MBNL2: variants seen among roughly 807,000 people sequenced by gnomAD.
MBNL2 encodes muscleblind like splicing regulator 2, also known as muscleblind-like protein 2.
Under a neutral mutation model 41.9 loss-of-function variants are expected in MBNL2, and 17 were observed. That is an observed-to-expected ratio of 0.41 (90% CI 0.28 to 0.61). The LOEUF (loss-of-function observed/expected upper bound fraction) is 0.61. MBNL2 is among the 20% of genes least tolerant of loss of function. The pLI is 0.35. For missense variants in MBNL2, 336 were observed against 505.6 expected, an observed-to-expected ratio of 0.66 and a Z score of 3.22; for synonymous variants, 195 against 182.9, an observed-to-expected ratio of 1.07 and a Z score of -0.53.
chr13:97,175,879 C>T, the MBNL2 span, among the ~76,000 whole-genome samples: 3 of 152,128 alleles, frequency 2.0e-5, no homozygotes, highest in Admixed American at 6.6e-5. Context: ...CCAAAGCAGG[C>T]TTGTTGTGCT....
At chr13:97,162,291 A>C in the MBNL2 span, among the ~76,000 whole-genome samples, 1 of 151,970 alleles carries the variant, frequency 6.6e-6, no homozygotes, top group African/African-American at 2.4e-5. Context: ...ATCAACATCC[A>C]ACTAAGATCT....
chr13:97,157,660 T>C, the MBNL2 span, among the ~76,000 whole-genome samples: 1 of 150,342 alleles, frequency 6.7e-6, no homozygotes, highest in East Asian at 1.9e-4. Context: ...AATCATGTGG[T>C]TTTTGTCTTT....
At chr13:97,245,305 A>C (rs1377564400) in intron 1 of MBNL2, among the ~76,000 whole-genome samples, 4 of 152,178 alleles carry the variant, frequency 2.6e-5, no homozygotes, top group African/African-American at 9.7e-5. Context: ...CTAAGCTCCC[A>C]GGGAAAAAGT....
chr13:97,318,279 A>G (rs780632563), intron 2 of MBNL2, among the ~76,000 whole-genome samples: 1 of 152,238 alleles, frequency 6.6e-6, no homozygotes, highest in Non-Finnish European at 1.5e-5. Context: ...AACCATATGA[A>G]TGTGTGGAAG....
In MBNL2 at chr13:97,286,780, A is replaced by C. The variant is rs61055901; in HGVS notation, c.174+10371A>C. Among the ~76,000 whole-genome samples the C allele has an allele frequency of 7.2e-3, 1,096 of 152,192 alleles. 13 individuals carry two copies. Among genetic ancestry groups the C allele is most frequent in the African/African-American group, 0.025 (1,026 of 41,514 alleles). On this transcript the variant is annotated intron_variant, in intron 2 of 8. Coordinates refer to ENST00000679496, the MANE Select transcript of MBNL2 (RefSeq NM_001382683.1). ...CTTCTTCCAGGGAACTGCAAGCCTC[A>C]GTTCTTCATGTTAGTCTGGTCTTTG...
intron 3 of MBNL2, among the ~76,000 whole-genome samples, chr13:97,342,354 C>G (rs1027938488): frequency 6.6e-6 from 1 of 152,108 alleles, no homozygotes; most frequent in Non-Finnish European, 1.5e-5. Context: ...TTTTAATGGC[C>G]AATCACAATA....
At chr13:97,259,190 G>GTATC (rs2048126590) in intron 1 of MBNL2, among the ~76,000 whole-genome samples, 1 of 152,124 alleles carries the variant, frequency 6.6e-6, no homozygotes, top group African/African-American at 2.4e-5. Flanking sequence ...CAGGACCGCA[G>GTATC]TATCTCCCAC....
chr13:97,172,073 A>G, the MBNL2 span, among the ~76,000 whole-genome samples: 1 of 152,182 alleles, frequency 6.6e-6, no homozygotes, highest in African/African-American at 2.4e-5. Context: ...AAAACGGACT[A>G]ATACAGGTCT....
At chr13:97,293,735 A>G (rs1412430060) in intron 2 of MBNL2, among the ~76,000 whole-genome samples, 1 of 151,984 alleles carries the variant, frequency 6.6e-6, no homozygotes, top group Non-Finnish European at 1.5e-5. Flanking sequence ...TACCTTTTTT[A>G]TGGCTCTTGT....
intron 7 of MBNL2, among the ~76,000 whole-genome samples, chr13:97,364,049 T>C (rs1357837684): frequency 6.6e-6 from 1 of 152,214 alleles, no homozygotes; most frequent in African/African-American, 2.4e-5. Flanking sequence ...TATTACCTTG[T>C]TTTTCATGGA....
chr13:97,178,830 G>A, the MBNL2 span, among the ~76,000 whole-genome samples: 13 of 152,148 alleles, frequency 8.5e-5, no homozygotes, highest in Admixed American at 7.2e-4. Flanking sequence ...CCAGGAGGTC[G>A]AGGCTGCAGT....
chr13:97,252,433 G>A (rs1481094727), intron 1 of MBNL2, among the ~76,000 whole-genome samples: 3 of 151,760 alleles, frequency 2.0e-5, no homozygotes, highest in Non-Finnish European at 4.4e-5. Context: ...ATCCCTTTGA[G>A]GTTTTATTAA....
At chr13:97,147,492 G>T in the MBNL2 span, among the ~76,000 whole-genome samples, 1 of 151,912 alleles carries the variant, frequency 6.6e-6, no homozygotes, top group Non-Finnish European at 1.5e-5. Context: ...TTTACCTACT[G>T]ACTAAATAAA....
chr13:97,153,683 G>C, the MBNL2 span, among the ~76,000 whole-genome samples: 1 of 152,094 alleles, frequency 6.6e-6, no homozygotes, highest in South Asian at 2.1e-4. Context: ...AGAATGATTG[G>C]ATCAAAGCAT....
chr13:97,350,369 G>C (rs9584559), intron 5 of MBNL2, among the ~76,000 whole-genome samples: 46,503 of 152,042 alleles, frequency 0.31, 7,389 homozygotes, highest in African/African-American at 0.37. Context: ...GGTGACTGGT[G>C]AAAGTTGTGA....
intron 2 of MBNL2, among the ~76,000 whole-genome samples, chr13:97,310,424 T>G (rs1052594376): frequency 2.0e-5 from 3 of 151,032 alleles, no homozygotes; most frequent in Non-Finnish European, 4.4e-5. Flanking sequence ...ATTTCTTTTT[T>G]TTTTTCTTTT....
chr13:97,148,315 A>G, the MBNL2 span, among the ~76,000 whole-genome samples: 1 of 150,970 alleles, frequency 6.6e-6, no homozygotes, highest in Non-Finnish European at 1.5e-5. Flanking sequence ...AACCTCTGTT[A>G]GAGTGCTTTT....
chr13:97,226,475 T>C (rs1312787190), intron 1 of MBNL2, among the ~76,000 whole-genome samples: 1 of 152,238 alleles, frequency 6.6e-6, no homozygotes, highest in East Asian at 1.9e-4. Context: ...CTCAGTAACC[T>C]AATACCTGCC....
chr13:97,144,426 T>C, the MBNL2 span, among the ~76,000 whole-genome samples: 1 of 27,530 alleles, frequency 3.6e-5, no homozygotes, highest in Admixed American at 5.1e-4. Context: ...GATACTTCTT[T>C]TTTTTTTTTT....
Sources: gnomAD v4.1 joint callset for allele counts (sites outside exome capture counted in the v4.1 genomes callset) on GRCh38, gnomAD v4.1.1 for gene constraint, MANE v1.5 for transcripts, NCBI Gene and HGNC (gene_info 2026-07-23, HGNC 2026-07-21) for gene names.